CSGALNACT2: variants seen among roughly 807,000 people sequenced by gnomAD.
The protein encoded by CSGALNACT2 is chondroitin sulfate N-acetylgalactosaminyltransferase 2.
In CSGALNACT2, 35 loss-of-function variants were observed where a neutral mutation model predicts 55.3. That is an observed-to-expected ratio of 0.63 (90% confidence interval 0.48 to 0.84). The LOEUF is 0.84. Ranked by LOEUF, CSGALNACT2 falls within the 40% of genes least tolerant of loss-of-function variation. The probability of loss-of-function intolerance (pLI) is 0.00; values close to 1 mark genes in which losing one functional copy is unlikely to be tolerated. For missense variants in CSGALNACT2, 544 were observed against 657.5 expected (o/e 0.83, Z 1.89); for synonymous variants, 196 against 224.9 (o/e 0.87, Z 1.15).
intron 1 of CSGALNACT2, among the ~76,000 whole-genome samples, chr10:43,139,970 TG>T (rs1838582751): frequency 6.6e-6 from 1 of 152,018 alleles, no homozygotes; most frequent in South Asian, 2.1e-4. Flanking sequence ...CCGAGGCAGG[TG>T]GATCACTTGG....
At chr10:43,158,053 G>C (rs1312453270) in intron 2 of CSGALNACT2, among the ~76,000 whole-genome samples, 1 of 145,958 alleles carries the variant, frequency 6.9e-6, no homozygotes, top group Non-Finnish European at 1.5e-5. Flanking sequence ...AAAAAAATCA[G>C]ATTGCCTCGT....
intron 1 of CSGALNACT2, among the ~76,000 whole-genome samples, chr10:43,147,882 C>T (rs1838794778): frequency 7.1e-6 from 1 of 141,476 alleles, no homozygotes; most frequent in African/African-American, 2.6e-5. Flanking sequence ...TTGTTGATGT[C>T]CTTTGCAACA....
chr10:43,141,283 T>C (rs1838615229), intron 1 of CSGALNACT2, among the ~76,000 whole-genome samples: 1 of 151,964 alleles, frequency 6.6e-6, no homozygotes, highest in Admixed American at 6.6e-5. Context: ...AGTGGCGCCA[T>C]CTCGGCTTAC....
intron 7 of CSGALNACT2, among the ~76,000 whole-genome samples, chr10:43,180,240 A>G (rs1839564419): frequency 6.6e-6 from 1 of 152,096 alleles, no homozygotes; most frequent in Non-Finnish European, 1.5e-5. Flanking sequence ...TATTCCCATT[A>G]TACATATGTT....
At chr10:43,166,953 C>G in intron 5 of CSGALNACT2, 51 bp from the exon 6 acceptor site, 1 of 1,086,216 alleles carries the variant, frequency 9.2e-7, no homozygotes, top group South Asian at 1.4e-5. Flanking sequence ...CAATAAAGAA[C>G]AGTTCTTCAT....
In CSGALNACT2 at chr10:43,155,709, G is replaced by T; in HGVS notation, c.560G>T (p.Gly187Val). ...RDELVEVIEAGLEVINNPDED... is the reference protein window; with the variant it reads ...RDELVEVIEAVLEVINNPDED... ...GAATTGGTGGAAGTTATTGAAGCGG[G>T]CTTGGAGGTCATTAATAATCCTGAT... Residue 187 changes from glycine to valine, a missense_variant, in exon 2 of 8, where the codon GGC becomes GTC. By Grantham distance (109) the Gly-to-Val change is moderately radical. Around this residue, in one of 2 missense-constraint regions of CSGALNACT2, gnomAD observed 374 missense variants for 401.3 expected, o/e 0.93. Coordinates refer to ENST00000374466, the MANE Select transcript of CSGALNACT2 (RefSeq NM_018590.5). 7 of 1,614,166 alleles carry T rather than the reference G, an allele frequency of 4.3e-6. No homozygotes were observed. The highest frequency in any genetic ancestry group is 5.9e-6 in the Non-Finnish European group (7 of 1,180,030).
chr10:43,164,658 C>A (rs1839222421), intron 5 of CSGALNACT2, among the ~76,000 whole-genome samples: 1 of 151,942 alleles, frequency 6.6e-6, no homozygotes, highest in African/African-American at 2.4e-5. Context: ...ACCATCCTGG[C>A]CAACATGGTG....
intron 1 of CSGALNACT2, among the ~76,000 whole-genome samples, chr10:43,142,482 A>G (rs141483256): frequency 0.044 from 6,670 of 152,270 alleles, 182 homozygotes; most frequent in South Asian, 0.089. Flanking sequence ...GATTACACGC[A>G]TGAGCCACCG....
At chr10:43,138,841 C>T (rs1338935937) in intron 1 of CSGALNACT2, among the ~76,000 whole-genome samples, 3 of 152,228 alleles carry the variant, frequency 2.0e-5, no homozygotes, top group African/African-American at 7.2e-5. Context: ...CTCTGCTCCT[C>T]TCAGTGGATA....
chr10:43,158,026 T>TAAAAA (rs770700775), intron 2 of CSGALNACT2, among the ~76,000 whole-genome samples: 1 of 99,446 alleles, frequency 1.0e-5, no homozygotes, highest in Non-Finnish European at 2.0e-5. Context: ...AGACTCCGTC[T>TAAAAA]AAAAAAAAAA....
rs780156657 is a variant in CSGALNACT2 at position 43,158,844 on chromosome 10, T to G, written c.791T>G (p.Met264Arg). 8.1e-6 allele frequency: 13 copies of G among 1,611,430 alleles called. No individual in the cohort carries two copies. In the East Asian group the frequency reaches 2.9e-4, roughly 36 times the overall value. The change falls in exon 3 of 8, where the codon ATG (methionine) becomes AGG (arginine). Residue 264 changes from methionine (M) to arginine (R), a missense_variant. This residue lies in a region of CSGALNACT2 where 374 missense variants were observed against 401.3 expected (regional missense o/e 0.93). Transcript: ENST00000374466. ...CCTCTCATGAAAGTGAAGAGTGAGA[T>G]GATTGACATCACTAGATCAATTATT... ...FGPLMKVKSE[M>R]IDITRSIINI...
chr10:43,145,410 C>CTTTTTTTT (rs71016727), intron 1 of CSGALNACT2, among the ~76,000 whole-genome samples: 2 of 99,420 alleles, frequency 2.0e-5, no homozygotes, highest in African/African-American at 3.9e-5. Context: ...TTGTTTGTTT[C>CTTTTTTTT]TTTTTTTTTT....
At chr10:43,157,093 T>G (rs756070196) in intron 2 of CSGALNACT2, among the ~76,000 whole-genome samples, 1 of 152,188 alleles carries the variant, frequency 6.6e-6, no homozygotes, top group Non-Finnish European at 1.5e-5. Flanking sequence ...TTCCTGCCAT[T>G]TTTGATGGAT....
intron 7 of CSGALNACT2, among the ~76,000 whole-genome samples, chr10:43,182,673 T>C (rs1839609484): frequency 6.6e-6 from 1 of 151,426 alleles, no homozygotes; most frequent in Non-Finnish European, 1.5e-5. Context: ...GAACCCAAAG[T>C]TCGAGACCAG....
At chr10:43,163,315 A>G in intron 4 of CSGALNACT2, 4 of 791,122 alleles carry the variant, frequency 5.1e-6, no homozygotes, top group Non-Finnish European at 6.1e-6. Context: ...AGTAATGAAC[A>G]AAACAAAATC....
chr10:43,151,625 A>G (rs1409361642), intron 1 of CSGALNACT2, among the ~76,000 whole-genome samples: 1 of 152,132 alleles, frequency 6.6e-6, no homozygotes, highest in South Asian at 2.1e-4. Flanking sequence ...TACCCATGGG[A>G]TATCCTATTC....
chr10:43,184,123 C>CA lies in CSGALNACT2; in HGVS notation c.*582dup, dbSNP rs1423015687. On this transcript the variant is annotated 3_prime_UTR_variant, in exon 8 of 8. Coordinates refer to ENST00000374466, the MANE Select transcript of CSGALNACT2 (RefSeq NM_018590.5). The stretch of plus-strand genomic sequence containing the variant: ...AAACTCCTTAACTTACTGTTGCTTA[C>CA]ACCCCTGAAAGTCTGTTTTTAAGCA... 1 of 152,948 alleles carries CA rather than the reference C, an allele frequency of 6.5e-6. No individual in the cohort carries two copies. The highest frequency in any genetic ancestry group is 6.5e-5 in the Admixed American group (1 of 15,418). 9.5% of individuals were successfully genotyped at this position (152,948 alleles called of 1,614,324 possible). A position where few individuals can be genotyped will look rare whatever the true frequency, so the allele number is the denominator to read the frequency against.
At chr10:43,154,402 G>A (rs1038916530) in intron 1 of CSGALNACT2, among the ~76,000 whole-genome samples, 2 of 152,178 alleles carry the variant, frequency 1.3e-5, no homozygotes, top group African/African-American at 4.8e-5. Flanking sequence ...ATAGTTAAAA[G>A]TATTATACAT....
chr10:43,178,602 C>CA (rs1839528926), intron 7 of CSGALNACT2, among the ~76,000 whole-genome samples: 1 of 127,768 alleles, frequency 7.8e-6, no homozygotes. Context: ...GCCTGGGCAA[C>CA]AGAGTGAGAC....
Sources: gnomAD v4.1 joint callset for allele counts (sites outside exome capture counted in the v4.1 genomes callset) on GRCh38, gnomAD v4.1.1 for gene constraint, gnomAD v4.1.1 regional missense constraint, MANE v1.5 for transcripts, NCBI Gene and HGNC (gene_info 2026-07-23, HGNC 2026-07-21) for gene names.